PKD1L1: variants seen among roughly 807,000 people sequenced by gnomAD.
PKD1L1 encodes the protein polycystin 1 like 1, transient receptor potential channel interacting.
PKD1L1 carries 236 observed loss-of-function variants against 323.4 expected under a neutral mutation model. The observed-to-expected ratio is 0.73, with a 90% CI of 0.66 to 0.81. The LOEUF (loss-of-function observed/expected upper bound fraction) is 0.81, where lower values mean the gene tolerates loss of function less well. Ranked by LOEUF, PKD1L1 falls within the 40% of genes least tolerant of loss-of-function variation. PKD1L1 has a pLI of 0.00. For synonymous variants in PKD1L1, 1,344 were observed against 1,335.0 expected (o/e 1.01, Z -0.15); for missense variants, 3,320 against 3,508.0 (o/e 0.95, Z 1.35).
chr7:47,894,544 T>C (rs1786894910), intron 14 of PKD1L1, among the ~76,000 whole-genome samples: 1 of 152,276 alleles, frequency 6.6e-6, no homozygotes, highest in Admixed American at 6.5e-5. Flanking sequence ...AAAACATTCA[T>C]ATTGTTCTTT....
intron 50 of PKD1L1, among the ~76,000 whole-genome samples, chr7:47,811,215 G>T (rs1236066418): frequency 2.0e-5 from 3 of 149,386 alleles, no homozygotes; most frequent in Admixed American, 6.7e-5. Context: ...GTGCAGTGGC[G>T]CAATCTCAGC....
chr7:47,818,784 TG>T (rs1165620504), intron 46 of PKD1L1, among the ~76,000 whole-genome samples: 1 of 152,274 alleles, frequency 6.6e-6, no homozygotes, highest in Non-Finnish European at 1.5e-5. Context: ...CTTCATTGAT[TG>T]GTGCTTTATT....
intron 56 of PKD1L1, among the ~76,000 whole-genome samples, chr7:47,791,093 A>T (rs1786935422): frequency 6.6e-6 from 1 of 152,086 alleles, no homozygotes; most frequent in Non-Finnish European, 1.5e-5. Context: ...TTCTTTTTTA[A>T]ATATATAGGT....
Position 47,904,419 on chromosome 7 carries a change from G to C in PKD1L1, c.1890C>G (p.Thr630=). The part of the protein sequence containing the change: ...VAYLWDFGDG[T]VSLGSSSSSH... Reference sequence around the variant, plus strand: ...TGCTGGAGCTGCTCCCCAGGCTGACGGTGCCATCCCCAAAGTCCCACAGGT... The same window carrying C: ...TGCTGGAGCTGCTCCCCAGGCTGACCGTGCCATCCCCAAAGTCCCACAGGT... Residue 630 remains threonine (T), a synonymous_variant, in exon 12 of 57, where the codon ACC becomes ACG. Transcript: ENST00000289672. 7 of 1,614,116 alleles carry C rather than the reference G, an allele frequency of 4.3e-6. No individual in the cohort carries two copies. Among genetic ancestry groups the C allele is most frequent in the Non-Finnish European group, 5.9e-6 (7 of 1,180,018 alleles).
Position 47,836,931 on chromosome 7 carries a change from C to T in PKD1L1, c.5933G>A (p.Gly1978Glu), listed in dbSNP as rs1473456439. The T allele has an allele frequency of 6.2e-7, 1 of 1,613,750 alleles. No individual in the cohort carries two copies. The highest frequency in any genetic ancestry group is 1.1e-5 in the South Asian group (1 of 91,014). Residue 1978 changes from glycine to glutamate, a missense_variant, in exon 37 of 57, where the codon GGG becomes GAG. Coordinates refer to ENST00000289672, the MANE Select transcript of PKD1L1 (RefSeq NM_138295.5). ...ACLTALVAAG[G>E]QEQPHLDVSP... ...AGCGATGGCTCTCACCTGCTCTTGCCCTCCAGCAGCAACCAGGGCAGTGAG... is the reference window on the plus strand; with the variant it reads ...AGCGATGGCTCTCACCTGCTCTTGCTCTCCAGCAGCAACCAGGGCAGTGAG...
In PKD1L1 at chr7:47,917,953, T is replaced by C. The variant is rs193132193; in HGVS notation, c.1061-2354A>G. 2.6e-3 allele frequency among the ~76,000 whole-genome samples: 402 copies of C among 151,916 alleles called. 2 individuals are homozygous for C. Among genetic ancestry groups the C allele is most frequent in the Middle Eastern group, 6.8e-3 (2 of 294 alleles). ...ATAACTAAAGTATACAGGCAACAAATAGCATGATGAATGGAATGGTACCTC... is the reference window on the plus strand; with the variant it reads ...ATAACTAAAGTATACAGGCAACAAACAGCATGATGAATGGAATGGTACCTC... On this transcript the variant is annotated intron_variant, in intron 7 of 56. Coordinates refer to ENST00000289672, the MANE Select transcript of PKD1L1 (RefSeq NM_138295.5).
chr7:47,937,782 T>C (rs1164493988), intron 3 of PKD1L1, among the ~76,000 whole-genome samples: 2 of 152,042 alleles, frequency 1.3e-5, no homozygotes, highest in African/African-American at 4.8e-5. Flanking sequence ...TTGCTCGGCC[T>C]GTGCACACTG....
Position 47,858,845 on chromosome 7 carries a change from C to G in PKD1L1, c.4190G>C (p.Arg1397Pro). The change falls in exon 27 of 57, where the codon CGG becomes CCG. Residue 1397 changes from arginine to proline, a missense_variant. Coordinates refer to ENST00000289672, the MANE Select transcript of PKD1L1 (RefSeq NM_138295.5). Reference sequence around the variant, plus strand: ...GAACTGGCCTTGAGCAAGGAGTGCCCGGGTGTACTTGAGGATGAGAACCGC... The same window carrying G: ...GAACTGGCCTTGAGCAAGGAGTGCCGGGGTGTACTTGAGGATGAGAACCGC... Reference protein sequence around the residue: ...MSAVLILKYTRALLAQGQFSG... With the variant: ...MSAVLILKYTPALLAQGQFSG... 6.2e-7 allele frequency: 1 copy of G among 1,614,008 alleles called. No homozygotes were observed.
At position 47,904,467 on chromosome 7, in the gene PKD1L1, G is replaced by C. The variant is rs769267602; in HGVS notation, c.1842C>G (p.Ile614Met). 2 of 1,614,068 alleles carry C rather than the reference G, an allele frequency of 1.2e-6. No homozygotes were observed. Among genetic ancestry groups the C allele is most frequent in the Admixed American group, 1.7e-5 (1 of 59,994 alleles). Reference sequence around the variant, plus strand: ...GGTAGGCAACATCTGTGCCGAAGTTGATCCAGCACTCAAAGGCCACACTGG... The same window carrying C: ...GGTAGGCAACATCTGTGCCGAAGTTCATCCAGCACTCAAAGGCCACACTGG... Reference protein sequence around the residue: ...VNASVAFECWINFGTDVAYLW... With the variant: ...VNASVAFECWMNFGTDVAYLW... The change falls in exon 12 of 57, where the codon ATC (isoleucine) becomes ATG (methionine). Residue 614 changes from isoleucine to methionine, a missense_variant. Ile to Met is a conservative substitution (Grantham distance 10). Transcript: ENST00000289672.
chr7:47,897,367 G>C (rs1267486736), intron 14 of PKD1L1, among the ~76,000 whole-genome samples: 1 of 152,194 alleles, frequency 6.6e-6, no homozygotes, highest in South Asian at 2.1e-4. Flanking sequence ...TTTGTTCCCA[G>C]AATCTCCCAC....
intron 56 of PKD1L1, among the ~76,000 whole-genome samples, chr7:47,780,196 A>G (rs995966898): frequency 5.9e-5 from 9 of 152,180 alleles, no homozygotes; most frequent in Non-Finnish European, 1.2e-4. Context: ...ATTAACGTAA[A>G]GAACATTCCA....
intron 55 of PKD1L1, among the ~76,000 whole-genome samples, chr7:47,793,002 C>T (rs1011220959): frequency 6.6e-6 from 1 of 150,768 alleles, no homozygotes; most frequent in Admixed American, 6.6e-5. Flanking sequence ...TAATAATGTA[C>T]GTATACAGAT....
Position 47,837,034 on chromosome 7 carries a change from T to C in PKD1L1, c.5830A>G (p.Ser1944Gly), listed in dbSNP as rs1583608958. Residue 1944 changes from serine to glycine, a missense_variant, in exon 37 of 57, where the codon AGC (serine) becomes GGC (glycine). Transcript: ENST00000289672. The stretch of plus-strand genomic sequence containing the variant: ...AGGTAGCGGCTGGAGGAGGGCCTGC[T>C]GTACACCGACAGCCAGACATGGAAA... Reference protein sequence around the residue: ...EDFHVWLSVYSRPSSSRYLHT... With the variant: ...EDFHVWLSVYGRPSSSRYLHT... The C allele has an allele frequency of 6.2e-7, 1 of 1,614,138 alleles. No individual in the cohort carries two copies. Among genetic ancestry groups the C allele is most frequent in the East Asian group, 2.2e-5 (1 of 44,886 alleles).
chr7:47,775,755 A>G (rs571600900), intron 56 of PKD1L1, among the ~76,000 whole-genome samples: 3 of 152,078 alleles, frequency 2.0e-5, no homozygotes, highest in African/African-American at 7.2e-5. Context: ...AAGTAAACAG[A>G]AAAAAGTAAA....
chr7:47,940,465 G>A (rs1787963377), intron 2 of PKD1L1, 148 bp from the exon 3 acceptor site: 1 of 704,830 alleles, frequency 1.4e-6, no homozygotes, highest in Non-Finnish European at 2.3e-6. Context: ...GTGTCCTTGG[G>A]CTGCCGTGTC....
rs2128729965 is a variant in PKD1L1, at chr7:47,813,192, T to C, written c.7275A>G (p.Gln2425=). 1 of 1,614,178 alleles carries C rather than the reference T, an allele frequency of 6.2e-7. No homozygotes were observed. The highest frequency in any genetic ancestry group is 2.2e-5 in the East Asian group (1 of 44,884). Residue 2425 remains glutamine (Q), a synonymous_variant, in exon 49 of 57, where the codon CAA becomes CAG. Transcript: ENST00000289672. ...ENPYLIDPEN[Q]NVTLNGPGGC... ...CCCCAGGACCATTCAGGGTCACGTT[T>C]TGGTTCTCTGGGTCTATCAGGTAGG...
intron 45 of PKD1L1, among the ~76,000 whole-genome samples, chr7:47,824,823 C>T (rs1226746517): frequency 6.6e-6 from 1 of 152,210 alleles, no homozygotes; most frequent in East Asian, 1.9e-4. Flanking sequence ...GACACTACTA[C>T]ACTGTGTTCC....
chr7:47,843,011 G>A lies in PKD1L1; in HGVS notation c.5396C>T (p.Ala1799Val), dbSNP rs377619202. 22 of 1,613,792 alleles carry A rather than the reference G, an allele frequency of 1.4e-5. No homozygotes were observed. The highest frequency in any genetic ancestry group is 1.7e-5 in the Non-Finnish European group (20 of 1,179,898). Reference sequence around the variant, plus strand: ...TCGGAAGCCAGTGTCAATGACGACCGCATATAGCTGATGGCCCGGCAGGGA... The same window carrying A: ...TCGGAAGCCAGTGTCAATGACGACCACATATAGCTGATGGCCCGGCAGGGA... ...EASLPGHQLYAVVIDTGFRAP... is the reference protein window; with the variant it reads ...EASLPGHQLYVVVIDTGFRAP... Residue 1799 changes from alanine (A) to valine (V), a missense_variant, in exon 34 of 57, where the codon GCG (alanine) becomes GTG (valine). Ala to Val is a moderately conservative substitution (Grantham distance 64, BLOSUM62 0). Transcript: ENST00000289672.
Position 47,866,380 on chromosome 7 carries a change from G to A in PKD1L1, c.4092+39C>T, listed in dbSNP as rs781296523. On this transcript the variant is annotated intron_variant, in intron 25 of 56. Transcript: ENST00000289672. The stretch of plus-strand genomic sequence containing the variant: ...GTCATGAGCCCTGCCACTTGATAAA[G>A]GTTTACAGACACTAAACTCACCCTC... 8 of 1,592,850 alleles carry A rather than the reference G, an allele frequency of 5.0e-6. No individual in the cohort carries two copies. In the Admixed American group the frequency reaches 7.2e-5, roughly 14 times the overall value.
Sources: gnomAD v4.1 joint callset for allele counts (sites outside exome capture counted in the v4.1 genomes callset) on GRCh38, gnomAD v4.1.1 for gene constraint, MANE v1.5 for transcripts, NCBI Gene and HGNC (gene_info 2026-07-23, HGNC 2026-07-21) for gene names.